TPST1: variants seen among roughly 807,000 people sequenced by gnomAD.
TPST1 encodes the protein protein-tyrosine sulfotransferase 1.
In TPST1, 20 loss-of-function variants were observed where a neutral mutation model predicts 34.8. That is an observed-to-expected ratio of 0.57 (90% CI 0.40 to 0.84). The LOEUF (loss-of-function observed/expected upper bound fraction) is 0.84, where lower values mean the gene tolerates loss of function less well. TPST1 is among the 40% of genes least tolerant of loss of function. The probability of loss-of-function intolerance (pLI) is 0.00; values close to 1 mark genes in which losing one functional copy is unlikely to be tolerated. For synonymous variants in TPST1, 152 were observed against 159.4 expected (o/e 0.95, Z 0.35); for missense variants, 353 against 455.5 (o/e 0.78, Z 2.05).
intron 2 of TPST1, among the ~76,000 whole-genome samples, chr7:66,266,656 A>T (rs1790598500): frequency 6.6e-6 from 1 of 152,266 alleles, no homozygotes; most frequent in Admixed American, 6.5e-5. Context: ...GGGGATGTAT[A>T]AATAAAATAC....
rs181038486 is a variant in TPST1, at chr7:66,216,493, G to A, written c.-102+10971G>A. Among the ~76,000 whole-genome samples the A allele has an allele frequency of 2.2e-3, 324 of 147,988 alleles. 2 individuals are homozygous for A. The highest frequency in any genetic ancestry group is 7.8e-3 in the African/African-American group (316 of 40,350). On this transcript the variant is annotated intron_variant, in intron 1 of 5. Transcript: ENST00000304842. Reference sequence around the variant, plus strand: ...TCTTTTTCTTTTTTTTTTTTGAGACGGAGTCTTGCTCTGTCGCCCAGGCTG... The same window carrying A: ...TCTTTTTCTTTTTTTTTTTTGAGACAGAGTCTTGCTCTGTCGCCCAGGCTG...
chr7:66,217,673 C>G (rs917689437), intron 1 of TPST1, among the ~76,000 whole-genome samples: 1 of 149,044 alleles, frequency 6.7e-6, no homozygotes, highest in Non-Finnish European at 1.5e-5. Context: ...TCGGCTCTGC[C>G]TCCTGGGTTC....
At chr7:66,335,210 C>T (rs2036263) in intron 3 of TPST1, among the ~76,000 whole-genome samples, 98,208 of 152,044 alleles carry the variant, frequency 0.65, 32,079 homozygotes, top group African/African-American at 0.74. Context: ...TGTAATCCCA[C>T]TTTGGGAGGC....
chr7:66,234,909 ATG>A (rs1789880112), intron 1 of TPST1, among the ~76,000 whole-genome samples: 1 of 152,022 alleles, frequency 6.6e-6, no homozygotes, highest in African/African-American at 2.4e-5. Context: ...TCCTGACCTC[ATG>A]ATCTGCCCAC....
rs1430450647 is a variant in TPST1 at position 66,267,156 on chromosome 7, G to T, written c.846-19355G>T. On this transcript the variant is annotated intron_variant, in intron 2 of 5. Transcript: ENST00000304842. ...CAATTATAGTTTCATTTTTGTAACT[G>T]TTAAAAGCATTAAGATATAAACATG... 1.3e-5 allele frequency among the ~76,000 whole-genome samples: 2 copies of T among 152,154 alleles called. 1 individual carries two copies. Among genetic ancestry groups the T allele is most frequent in the African/African-American group, 4.8e-5 (2 of 41,438 alleles).
chr7:66,248,503 G>GT (rs373801835), intron 2 of TPST1, among the ~76,000 whole-genome samples: 74,549 of 124,244 alleles, frequency 0.6, 23,019 homozygotes, highest in Non-Finnish European at 0.63. Flanking sequence ...AACATTTAGT[G>GT]TTTTTTTTTT....
intron 3 of TPST1, among the ~76,000 whole-genome samples, chr7:66,331,621 G>T (rs1327904259): frequency 6.6e-6 from 1 of 152,144 alleles, no homozygotes; most frequent in African/African-American, 2.4e-5. Flanking sequence ...AAGAAAATTA[G>T]CAATTGTGTG....
intron 3 of TPST1, among the ~76,000 whole-genome samples, chr7:66,338,446 G>A (rs939193479): frequency 3.9e-5 from 6 of 152,062 alleles, no homozygotes; most frequent in East Asian, 1.9e-4. Flanking sequence ...ACAAAGAAAC[G>A]TAGACATTAA....
rs749288846 is a variant in TPST1, at chr7:66,337,299, A to ATTTTTTTT, written c.1045-15187_1045-15180dup. Reference sequence around the variant, plus strand: ...TTTAAGTATGAAGACTAAAAGACAAATTTTTTTTTTTTTTTTTTTTTTTTT... The same window carrying ATTTTTTTT: ...TTTAAGTATGAAGACTAAAAGACAAATTTTTTTTTTTTTTTTTTTTTTTTTTTTTTTTT... On this transcript the variant is annotated intron_variant, in intron 3 of 5. Coordinates refer to ENST00000304842, the MANE Select transcript of TPST1 (RefSeq NM_003596.4). Among the ~76,000 whole-genome samples the ATTTTTTTT allele has an allele frequency of 1.5e-4, 16 of 107,722 alleles. No homozygotes were observed. In the South Asian group the frequency reaches 5.2e-3, roughly 35 times the overall value. 70.7% of individuals were successfully genotyped at this position (107,722 alleles called of 152,430 possible). A position where few individuals can be genotyped will look rare whatever the true frequency, so the allele number is the denominator to read the frequency against.
chr7:66,294,012 T>C (rs1052198939), intron 3 of TPST1, among the ~76,000 whole-genome samples: 4 of 152,238 alleles, frequency 2.6e-5, no homozygotes, highest in Admixed American at 1.3e-4. Context: ...TTCTTTTCTT[T>C]ATTGCAGTAA....
intron 3 of TPST1, among the ~76,000 whole-genome samples, chr7:66,311,114 CT>C (rs902421528): frequency 1.5e-4 from 23 of 151,344 alleles, no homozygotes; most frequent in Non-Finnish European, 1.5e-4. Flanking sequence ...TTTTTTTCCC[CT>C]ATTGAAGTAT....
At chr7:66,301,509 T>C (rs1337374110) in intron 3 of TPST1, among the ~76,000 whole-genome samples, 1 of 152,248 alleles carries the variant, frequency 6.6e-6, no homozygotes, top group African/African-American at 2.4e-5. Flanking sequence ...CAACATACCT[T>C]CCTCACTAAG....
intron 3 of TPST1, among the ~76,000 whole-genome samples, chr7:66,303,904 A>G (rs890109237): frequency 6.6e-6 from 1 of 152,192 alleles, no homozygotes; most frequent in Non-Finnish European, 1.5e-5. Context: ...ATATTCAGAT[A>G]TGAGGCTCTT....
intron 5 of TPST1, 64 bp downstream of exon 5, chr7:66,356,935 G>A: frequency 6.5e-7 from 1 of 1,546,854 alleles, no homozygotes; most frequent in Non-Finnish European, 8.9e-7. Context: ...AGGGGGCTGG[G>A]TGGCCAAGGT....
At chr7:66,231,028 T>C (rs1264209372) in intron 1 of TPST1, among the ~76,000 whole-genome samples, 1 of 152,012 alleles carries the variant, frequency 6.6e-6, no homozygotes, top group Non-Finnish European at 1.5e-5. Context: ...TTGGTGCGTT[T>C]ACAAACCTTG....
At chr7:66,348,508 C>T (rs1475680222) in intron 3 of TPST1, among the ~76,000 whole-genome samples, 1 of 152,040 alleles carries the variant, frequency 6.6e-6, no homozygotes, top group Non-Finnish European at 1.5e-5. Flanking sequence ...TCCAATTTGC[C>T]CTTCAAATCA....
At chr7:66,214,529 T>C (rs986935255) in intron 1 of TPST1, among the ~76,000 whole-genome samples, 1 of 151,766 alleles carries the variant, frequency 6.6e-6, no homozygotes, top group Non-Finnish European at 1.5e-5. Context: ...CGTTAAGAAT[T>C]GGTGTTGCTG....
intron 3 of TPST1, among the ~76,000 whole-genome samples, chr7:66,349,784 G>A (rs981201280): frequency 6.6e-6 from 1 of 152,102 alleles, no homozygotes. Flanking sequence ...GAGAAGGAAA[G>A]ACACTTGAGA....
At chr7:66,231,887 C>T (rs1359038601) in intron 1 of TPST1, among the ~76,000 whole-genome samples, 1 of 152,258 alleles carries the variant, frequency 6.6e-6, no homozygotes, top group Admixed American at 6.5e-5. Context: ...GGACTGCCAG[C>T]ACGCTGTCAT....
Sources: allele counts gnomAD v4.1 joint callset (sites outside exome capture counted in the v4.1 genomes callset), GRCh38; gene constraint gnomAD v4.1.1; transcripts MANE v1.5; gene names NCBI Gene and HGNC (gene_info 2026-07-23, HGNC 2026-07-21).